PIK3C2G: variants seen among roughly 807,000 people sequenced by gnomAD.
The protein encoded by PIK3C2G is phosphatidylinositol 3-kinase C2 domain-containing subunit gamma.
In PIK3C2G, 168 loss-of-function variants were observed where a neutral mutation model predicts 181.1. The observed-to-expected ratio is 0.93, with a 90% CI of 0.82 to 1.05. The LOEUF (loss-of-function observed/expected upper bound fraction) is 1.05, where lower values mean the gene tolerates loss of function less well. PIK3C2G is among the 50% of genes least tolerant of loss of function. The pLI, the probability that PIK3C2G is intolerant of heterozygous loss-of-function variation, is 0.00. For synonymous variants in PIK3C2G, 573 were observed against 592.2 expected (o/e 0.97, Z 0.47); for missense variants, 1,869 against 1,732.8 (o/e 1.08, Z -1.40).
intron 18 of PIK3C2G, among the ~76,000 whole-genome samples, chr12:18,472,751 G>A (rs904845752): frequency 1.3e-5 from 2 of 152,074 alleles, no homozygotes; most frequent in African/African-American, 4.8e-5. Flanking sequence ...CCAGGCTGGA[G>A]TACAGTGGTG....
At chr12:18,656,792 G>A in the PIK3C2G span, among the ~76,000 whole-genome samples, 1 of 151,952 alleles carries the variant, frequency 6.6e-6, no homozygotes, top group Non-Finnish European at 1.5e-5. Context: ...AGGCAGAAAC[G>A]GTCAGAATCA....
intron 1 of PIK3C2G, among the ~76,000 whole-genome samples, chr12:18,248,326 A>G (rs879582344): frequency 1.4e-4 from 21 of 152,100 alleles, no homozygotes; most frequent in Non-Finnish European, 2.8e-4. Context: ...TAATCCCAGC[A>G]CTTTGGGAGG....
chr12:18,683,224 ATT>A, the PIK3C2G span: 3 of 1,609,046 alleles, frequency 1.9e-6, no homozygotes, highest in Non-Finnish European at 2.6e-6. Flanking sequence ...ATGATATGTC[ATT>A]TATCATTAGC....
At chr12:18,640,824 A>G (rs1949803838) in intron 32 of PIK3C2G, among the ~76,000 whole-genome samples, 1 of 152,186 alleles carries the variant, frequency 6.6e-6, no homozygotes, top group African/African-American at 2.4e-5. Flanking sequence ...TACTAACTTT[A>G]TTCCTGACTT....
At chr12:18,278,439 T>C (rs1231704556) in intron 1 of PIK3C2G, among the ~76,000 whole-genome samples, 5 of 152,178 alleles carry the variant, frequency 3.3e-5, no homozygotes, top group Non-Finnish European at 5.9e-5. Context: ...TCCAATGAGA[T>C]AATCTTTCTA....
chr12:18,457,338 A>C (rs1242790423), intron 18 of PIK3C2G, among the ~76,000 whole-genome samples: 1 of 152,200 alleles, frequency 6.6e-6, no homozygotes, highest in East Asian at 1.9e-4. Context: ...TTGAGGAAGT[A>C]AGAAATAAAT....
intron 12 of PIK3C2G, among the ~76,000 whole-genome samples, chr12:18,365,382 A>G (rs748939122): frequency 1.3e-5 from 2 of 152,134 alleles, no homozygotes; most frequent in Non-Finnish European, 2.9e-5. Context: ...TATTCACTTT[A>G]TTCAGTTATC....
At chr12:18,247,248 C>A (rs752884716), upstream of PIK3C2G, among the ~76,000 whole-genome samples, 2 of 152,128 alleles carry the variant, frequency 1.3e-5, no homozygotes, top group Non-Finnish European at 2.9e-5. Context: ...CCAGTTTTTT[C>A]TCCCAAGATA....
intron 30 of PIK3C2G, among the ~76,000 whole-genome samples, chr12:18,601,537 C>A (rs11834292): frequency 6.6e-6 from 1 of 151,800 alleles, no homozygotes; most frequent in Non-Finnish European, 1.5e-5. Flanking sequence ...ATAGGTGGAA[C>A]AAGATCTAGG....
the PIK3C2G span, among the ~76,000 whole-genome samples, chr12:18,703,212 T>C: frequency 6.8e-4 from 104 of 152,262 alleles, 4 homozygotes; most frequent in South Asian, 0.017. Context: ...ACACATTGAG[T>C]CTGTGGGCAT....
At chr12:18,594,619 G>A in intron 30 of PIK3C2G, 50 bp downstream of exon 30, 1 of 958,180 alleles carries the variant, frequency 1.0e-6, no homozygotes, top group Non-Finnish European at 1.5e-6. Context: ...AAAATAATTG[G>A]ACAAAAAGAT....
intron 15 of PIK3C2G, among the ~76,000 whole-genome samples, chr12:18,397,525 A>C (rs1221345494): frequency 6.6e-6 from 1 of 152,042 alleles, no homozygotes; most frequent in African/African-American, 2.4e-5. Context: ...ATAGTATATG[A>C]AGAATTGCCT....
chr12:18,292,078 C>G (rs562619849), intron 4 of PIK3C2G, among the ~76,000 whole-genome samples: 4 of 150,008 alleles, frequency 2.7e-5, no homozygotes, highest in African/African-American at 9.8e-5. Flanking sequence ...GGTGTGATGG[C>G]GCATGCCTGT....
chr12:18,543,206 T>C (rs1944253544), intron 25 of PIK3C2G, among the ~76,000 whole-genome samples: 1 of 152,084 alleles, frequency 6.6e-6, no homozygotes, highest in African/African-American at 2.4e-5. Context: ...GAAGTGTCTG[T>C]TCATGTCCTT....
At chr12:18,398,535 A>G (rs568620182) in intron 15 of PIK3C2G, among the ~76,000 whole-genome samples, 1 of 152,312 alleles carries the variant, frequency 6.6e-6, no homozygotes, top group Non-Finnish European at 1.5e-5. Context: ...AGCAGATTCA[A>G]GCTCAGTGTC....
the PIK3C2G span, among the ~76,000 whole-genome samples, chr12:18,659,794 A>G: frequency 6.6e-6 from 1 of 151,292 alleles, no homozygotes; most frequent in Non-Finnish European, 1.5e-5. Context: ...ATTTAGCATT[A>G]TGTATATCAC....
rs760027403 is a variant in PIK3C2G at position 18,399,674 on chromosome 12, G to T, written c.2142G>T (p.Lys714Asn). The part of the protein sequence containing the change: ...KQTPLLLSEE[K>N]KRYLWFYRFY... ...GGTTTTTCAGACTCTCTGAAGAAAA[G>T]AAAAGATATTTATGGTTTTATCGCT... Residue 714 changes from lysine to asparagine, a missense_variant, in exon 16 of 33, where the codon AAG (lysine) becomes AAT (asparagine). Coordinates refer to ENST00000538779, the MANE Select transcript of PIK3C2G (RefSeq NM_001288772.2). The T allele has an allele frequency of 1.5e-5, 24 of 1,559,536 alleles. No homozygotes were observed. The East Asian group carries it at 5.0e-4, about 32-fold the overall frequency.
At chr12:18,615,928 AC>A (rs925910223) in intron 31 of PIK3C2G, among the ~76,000 whole-genome samples, 1 of 152,094 alleles carries the variant, frequency 6.6e-6, no homozygotes, top group Non-Finnish European at 1.5e-5. Flanking sequence ...TCTAGCTATA[AC>A]CTACCTCTAA....
intron 11 of PIK3C2G, among the ~76,000 whole-genome samples, chr12:18,352,028 A>G (rs1365497297): frequency 1.3e-5 from 2 of 152,130 alleles, no homozygotes; most frequent in African/African-American, 2.4e-5. Context: ...TTCTCACAAT[A>G]TATCCCTTTG....
Sources: gnomAD v4.1 joint callset for allele counts (sites outside exome capture counted in the v4.1 genomes callset) on GRCh38, gnomAD v4.1.1 for gene constraint, MANE v1.5 for transcripts, NCBI Gene and HGNC (gene_info 2026-07-23, HGNC 2026-07-21) for gene names.